The following NRCAM variants were observed in gnomAD, a reference collection of about 807,000 sequenced individuals.
NRCAM encodes neuronal cell adhesion molecule.
Under a neutral mutation model 156.5 loss-of-function variants are expected in NRCAM, and 83 were observed. That is an observed-to-expected ratio of 0.53 (90% CI 0.44 to 0.64). The LOEUF is 0.64. Among genes scored for constraint, NRCAM ranks in the 30% least tolerant of loss-of-function variants. NRCAM has a pLI of 0.00. For missense variants in NRCAM, 1,417 were observed against 1,597.3 expected (o/e 0.89, Z 1.92); for synonymous variants, 538 against 563.9 (o/e 0.95, Z 0.65).
chr7:108,328,258 C>G (rs2099090891), intron 2 of NRCAM, among the ~76,000 whole-genome samples: 1 of 152,142 alleles, frequency 6.6e-6, no homozygotes, highest in Admixed American at 6.6e-5. Context: ...CAGAGAATAT[C>G]AAGCTTCAGA....
chr7:108,360,383 C>G (rs1457210862), intron 2 of NRCAM, among the ~76,000 whole-genome samples: 3 of 152,112 alleles, frequency 2.0e-5, no homozygotes, highest in Non-Finnish European at 4.4e-5. Context: ...CAGGTACATT[C>G]AAATGAAGGA....
At chr7:108,277,522 C>T (rs951778923) in intron 3 of NRCAM, among the ~76,000 whole-genome samples, 2 of 151,824 alleles carry the variant, frequency 1.3e-5, no homozygotes, top group African/African-American at 4.8e-5. Context: ...TCTGCTTGAT[C>T]GAATAGGCTA....
chr7:108,434,892 T>A lies in NRCAM; in HGVS notation c.-332+21351A>T, dbSNP rs111739161. On this transcript the variant is annotated intron_variant, in intron 1 of 32. Transcript: ENST00000379028. ...TACAAACAAGTTACTAAACAAACAA[T>A]AGCAACAGCTACAAATTTCTCAGGG... is the stretch of plus-strand genomic sequence containing the variant. Among the ~76,000 whole-genome samples the A allele has an allele frequency of 8.4e-3, 1,276 of 152,028 alleles. 14 individuals carry two copies. The highest frequency in any genetic ancestry group is 0.029 in the African/African-American group (1,196 of 41,422).
rs192223251 is a variant in NRCAM, at chr7:108,192,517, A to T, written c.1779-664T>A. On this transcript the variant is annotated intron_variant, in intron 17 of 32. Transcript: ENST00000379028. ...GTCCGTGGAAAAACTGTCTTCCATGAAACCAGTCCCTGGTGCCAAAAAGGT... is the reference window on the plus strand; with the variant it reads ...GTCCGTGGAAAAACTGTCTTCCATGTAACCAGTCCCTGGTGCCAAAAAGGT... Among the ~76,000 whole-genome samples the T allele has an allele frequency of 4.6e-3, 698 of 152,206 alleles. 9 individuals are homozygous for T. Among genetic ancestry groups the T allele is most frequent in the African/African-American group, 0.016 (650 of 41,530 alleles).
chr7:108,179,595 T>C (rs552337916), intron 25 of NRCAM, among the ~76,000 whole-genome samples: 1 of 152,326 alleles, frequency 6.6e-6, no homozygotes, highest in Admixed American at 6.5e-5. Context: ...CCCTTGTCCC[T>C]GTGTCCAAAT....
intron 3 of NRCAM, among the ~76,000 whole-genome samples, chr7:108,241,445 T>G (rs771317431): frequency 1.3e-5 from 2 of 152,208 alleles, no homozygotes; most frequent in Non-Finnish European, 2.9e-5. Context: ...AATGACTCTC[T>G]CAAGAAGGTG....
At chr7:108,224,271 T>C (rs2093007257) in intron 10 of NRCAM, among the ~76,000 whole-genome samples, 1 of 150,994 alleles carries the variant, frequency 6.6e-6, no homozygotes, top group South Asian at 2.1e-4. Context: ...GATATGGTTA[T>C]AGAAGGGGTA....
intron 2 of NRCAM, among the ~76,000 whole-genome samples, chr7:108,390,477 G>T (rs2099756126): frequency 6.6e-6 from 1 of 151,592 alleles, no homozygotes; most frequent in Admixed American, 6.6e-5. Context: ...TTCTTTATTA[G>T]TCTTGCTAGC....
intron 2 of NRCAM, among the ~76,000 whole-genome samples, chr7:108,357,195 A>G (rs2154305787): frequency 6.6e-6 from 1 of 152,300 alleles, no homozygotes; most frequent in South Asian, 2.1e-4. Flanking sequence ...TGCAAACAAC[A>G]TTGTAAGCAT....
At chr7:108,346,823 T>G (rs1487022154) in intron 2 of NRCAM, among the ~76,000 whole-genome samples, 1 of 152,092 alleles carries the variant, frequency 6.6e-6, no homozygotes, top group Admixed American at 6.6e-5. Context: ...CATGAGTACA[T>G]ACATGTTTGG....
chr7:108,266,028 C>A (rs979115261), intron 3 of NRCAM, among the ~76,000 whole-genome samples: 1 of 152,264 alleles, frequency 6.6e-6, no homozygotes, highest in African/African-American at 2.4e-5. Flanking sequence ...CACCTATGAA[C>A]TGATTTTTAT....
intron 2 of NRCAM, among the ~76,000 whole-genome samples, chr7:108,347,032 G>GGT (rs1554538423): frequency 1.2e-5 from 1 of 83,052 alleles, no homozygotes; most frequent in East Asian, 4.0e-4. Flanking sequence ...TTATATTTCT[G>GGT]TTTTTTTTTT....
At chr7:108,319,196 C>G (rs535193472) in intron 2 of NRCAM, among the ~76,000 whole-genome samples, 1 of 152,224 alleles carries the variant, frequency 6.6e-6, no homozygotes, top group East Asian at 1.9e-4. Flanking sequence ...AACTTCCTTC[C>G]AACTCTGTAA....
chr7:108,279,777 G>T (rs2097783132), intron 3 of NRCAM, among the ~76,000 whole-genome samples: 1 of 151,852 alleles, frequency 6.6e-6, no homozygotes, highest in African/African-American at 2.4e-5. Flanking sequence ...GCCCAGGCCA[G>T]TCTCAAACTC....
chr7:108,238,289 C>T (rs1021360534), intron 4 of NRCAM, among the ~76,000 whole-genome samples: 2 of 152,190 alleles, frequency 1.3e-5, no homozygotes, highest in African/African-American at 4.8e-5. Flanking sequence ...GGTTAATCTC[C>T]AAAGTCATTA....
chr7:108,211,397 G>A (rs2084284514), intron 11 of NRCAM, among the ~76,000 whole-genome samples: 2 of 152,180 alleles, frequency 1.3e-5, no homozygotes, highest in South Asian at 4.1e-4. Context: ...CAGAACTCGG[G>A]AAAGGGCATG....
chr7:108,446,460 A>G (rs570902713), intron 1 of NRCAM, among the ~76,000 whole-genome samples: 1 of 152,322 alleles, frequency 6.6e-6, no homozygotes, highest in African/African-American at 2.4e-5. Flanking sequence ...ATTCTTGCAC[A>G]CACTCATTTA....
intron 2 of NRCAM, among the ~76,000 whole-genome samples, chr7:108,321,362 T>C (rs1367163548): frequency 6.6e-6 from 1 of 152,184 alleles, no homozygotes; most frequent in African/African-American, 2.4e-5. Context: ...CTTACAATCA[T>C]GGCACAAGAA....
rs563419025 is a variant in NRCAM, at chr7:108,326,413, G to A, written c.-173-13682C>T. 4.6e-5 allele frequency among the ~76,000 whole-genome samples: 7 copies of A among 152,176 alleles called. No homozygotes were observed. In the South Asian group the frequency reaches 1.0e-3, roughly 23 times the overall value. On this transcript the variant is annotated intron_variant, in intron 2 of 32. Coordinates refer to ENST00000379028, the MANE Select transcript of NRCAM (RefSeq NM_001037132.4). Reference sequence around the variant, plus strand: ...GCAGTAAGTATTTCAACTGGGGCCCGGGCTTGAAAAGCATTCCAATTTTCA... The same window carrying A: ...GCAGTAAGTATTTCAACTGGGGCCCAGGCTTGAAAAGCATTCCAATTTTCA...
Sources: allele counts gnomAD v4.1 joint callset (sites outside exome capture counted in the v4.1 genomes callset), GRCh38; gene constraint gnomAD v4.1.1; transcripts MANE v1.5; gene names NCBI Gene and HGNC (gene_info 2026-07-23, HGNC 2026-07-21).